The following SNTG1 variants were observed in gnomAD, a reference collection of about 807,000 sequenced individuals.
SNTG1 encodes the protein gamma-1-syntrophin.
SNTG1 carries 39 observed loss-of-function variants against 74.7 expected under a neutral mutation model. The ratio of observed to expected loss-of-function variants is 0.52; its 90% confidence interval spans 0.40 to 0.68. SNTG1 has a LOEUF of 0.68. Ranked by LOEUF, SNTG1 falls within the 30% of genes least tolerant of loss-of-function variation. The probability of loss-of-function intolerance (pLI) is 0.00; values close to 1 mark genes in which losing one functional copy is unlikely to be tolerated. For synonymous variants in SNTG1, 254 were observed against 217.1 expected (o/e 1.17, Z -1.49); for missense variants, 685 against 609.5 (o/e 1.12, Z -1.30).
chr8:50,236,557 TCTC>T (rs1426013669), intron 2 of SNTG1, among the ~76,000 whole-genome samples: 1 of 151,148 alleles, frequency 6.6e-6, no homozygotes, highest in African/African-American at 2.4e-5. Flanking sequence ...TTCACACCAT[TCTC>T]CTGCCTCAGC....
chr8:50,676,112 G>A (rs745945711), intron 15 of SNTG1, among the ~76,000 whole-genome samples: 4 of 151,832 alleles, frequency 2.6e-5, no homozygotes, highest in Admixed American at 6.6e-5. Flanking sequence ...ATGTGTCTTG[G>A]GGTATATCTT....
At chr8:50,097,223 G>A (rs1420619859) in intron 1 of SNTG1, among the ~76,000 whole-genome samples, 2 of 151,894 alleles carry the variant, frequency 1.3e-5, no homozygotes, top group African/African-American at 2.4e-5. Context: ...GCTTGCCTTG[G>A]CCTCCCAAAG....
At chr8:50,465,366 T>G (rs2093600911) in intron 8 of SNTG1, among the ~76,000 whole-genome samples, 1 of 152,208 alleles carries the variant, frequency 6.6e-6, no homozygotes, top group African/African-American at 2.4e-5. Flanking sequence ...AGACCTTAAG[T>G]GAAGTTGCTT....
chr8:50,669,519 T>C, intron 15 of SNTG1, among the ~76,000 whole-genome samples: 1 of 152,044 alleles, frequency 6.6e-6, no homozygotes, highest in Non-Finnish European at 1.5e-5. Flanking sequence ...AATAGACCAA[T>C]AACAGGATCT....
In SNTG1 at chr8:50,062,844, A is replaced by G. The variant is rs532415554; in HGVS notation, c.-102-109717A>G. Among the ~76,000 whole-genome samples the G allele has an allele frequency of 5.0e-4, 76 of 152,330 alleles. 1 individual carries two copies. The highest frequency in any genetic ancestry group is 1.7e-3 in the African/African-American group (70 of 41,586). On this transcript the variant is annotated intron_variant, in intron 1 of 18. Transcript: ENST00000642720. ...CATATATTTTGTATTTTATTTCCAT[A>G]CATAATATGTGCATATTTACCCAAA... is the stretch of plus-strand genomic sequence containing the variant.
chr8:49,987,409 G>T (rs891702613), intron 1 of SNTG1, among the ~76,000 whole-genome samples: 1 of 152,180 alleles, frequency 6.6e-6, no homozygotes. Context: ...GCATACTGCA[G>T]GATAAGATAC....
chr8:50,334,349 G>T (rs1349109482), intron 2 of SNTG1, among the ~76,000 whole-genome samples: 2 of 152,134 alleles, frequency 1.3e-5, no homozygotes, highest in Admixed American at 1.3e-4. Flanking sequence ...GTTGTTTTAA[G>T]CCAGTAACTT....
chr8:50,075,491 G>A (rs149176066), intron 1 of SNTG1, among the ~76,000 whole-genome samples: 110 of 152,270 alleles, frequency 7.2e-4, no homozygotes, highest in African/African-American at 2.5e-3. Context: ...GATTGTAAAC[G>A]CATTAATCAG....
intron 13 of SNTG1, among the ~76,000 whole-genome samples, chr8:50,611,484 T>A (rs1236328741): frequency 6.6e-6 from 1 of 152,166 alleles, no homozygotes; most frequent in Non-Finnish European, 1.5e-5. Context: ...CACTGCTGGA[T>A]TATAATCGAT....
intron 15 of SNTG1, among the ~76,000 whole-genome samples, chr8:50,684,725 TTTTG>T (rs2095344800): frequency 6.8e-6 from 1 of 146,598 alleles, no homozygotes; most frequent in African/African-American, 2.5e-5. Flanking sequence ...TTGTTTTTGT[TTTTG>T]TTTTTTTTTT....
chr8:50,491,677 T>G (rs1205648230), intron 8 of SNTG1, among the ~76,000 whole-genome samples: 1 of 152,196 alleles, frequency 6.6e-6, no homozygotes, highest in Non-Finnish European at 1.5e-5. Context: ...CTGCAAATGC[T>G]GTGCTGTGAT....
At chr8:49,982,507 C>T (rs1227634132) in intron 1 of SNTG1, among the ~76,000 whole-genome samples, 1 of 149,358 alleles carries the variant, frequency 6.7e-6, no homozygotes, top group Non-Finnish European at 1.5e-5. Flanking sequence ...TATATGTATA[C>T]ATGTATACAT....
chr8:50,170,817 C>T (rs1003681449), intron 1 of SNTG1, among the ~76,000 whole-genome samples: 8 of 152,076 alleles, frequency 5.3e-5, no homozygotes, highest in South Asian at 2.1e-4. Flanking sequence ...ACATTCTTGC[C>T]GCTTGCTGGC....
At chr8:50,071,360 G>C (rs1284008239) in intron 1 of SNTG1, among the ~76,000 whole-genome samples, 1 of 152,034 alleles carries the variant, frequency 6.6e-6, no homozygotes, top group Non-Finnish European at 1.5e-5. Flanking sequence ...ATTTTGTTCA[G>C]AGATGGGGTC....
chr8:50,373,647 A>G (rs1360599262), intron 2 of SNTG1, among the ~76,000 whole-genome samples: 2 of 152,234 alleles, frequency 1.3e-5, no homozygotes, highest in Non-Finnish European at 2.9e-5. Context: ...GCAGAGTTTA[A>G]TCTCACATGA....
chr8:50,594,322 C>T (rs1585789796), intron 13 of SNTG1, among the ~76,000 whole-genome samples: 3 of 152,158 alleles, frequency 2.0e-5, no homozygotes, highest in Non-Finnish European at 4.4e-5. Flanking sequence ...TCTCATTCCT[C>T]CCACAAAAAT....
intron 1 of SNTG1, among the ~76,000 whole-genome samples, chr8:49,984,732 G>A (rs1285228519): frequency 6.6e-6 from 1 of 152,112 alleles, no homozygotes; most frequent in Non-Finnish European, 1.5e-5. Flanking sequence ...TTTATAGTAG[G>A]AAGAGAATCA....
chr8:50,489,684 A>G (rs1190316424), intron 8 of SNTG1, among the ~76,000 whole-genome samples: 1 of 152,192 alleles, frequency 6.6e-6, no homozygotes, highest in Non-Finnish European at 1.5e-5. Context: ...GCCCTTTGCC[A>G]TATGGATAGA....
intron 17 of SNTG1, among the ~76,000 whole-genome samples, chr8:50,719,173 T>C (rs1215142873): frequency 2.6e-5 from 4 of 152,216 alleles, no homozygotes; most frequent in Non-Finnish European, 5.9e-5. Context: ...ACCTTTGCCA[T>C]GATTTGAATG....
Sources: allele counts gnomAD v4.1 joint callset (sites outside exome capture counted in the v4.1 genomes callset), GRCh38; gene constraint gnomAD v4.1.1; transcripts MANE v1.5; gene names NCBI Gene and HGNC (gene_info 2026-07-23, HGNC 2026-07-21).